Variants in FGFR4 observed in about 807,000 individuals in gnomAD.
FGFR4 encodes fibroblast growth factor receptor 4.
FGFR4 carries 63 observed loss-of-function variants against 89.9 expected under a neutral mutation model. That is an observed-to-expected ratio of 0.70 (90% confidence interval 0.57 to 0.86). FGFR4 has a LOEUF of 0.86. Among genes scored for constraint, FGFR4 ranks in the 40% least tolerant of loss-of-function variants. The probability of loss-of-function intolerance (pLI) is 0.00; values close to 1 mark genes in which losing one functional copy is unlikely to be tolerated. For missense variants in FGFR4, 928 were observed against 1,106.7 expected, an observed-to-expected ratio of 0.84 and a Z score of 2.29; for synonymous variants, 486 against 479.4, an observed-to-expected ratio of 1.01 and a Z score of -0.18.
At position 177,090,754 on chromosome 5, in the gene FGFR4, C is replaced by A; in HGVS notation, c.365C>A (p.Thr122Asn). Reference sequence around the variant, plus strand: ...TCTGTCCCTGATGTAGACTCCTTGACCTCCAGCAACGATGATGAGGACCCC... The same window carrying A: ...TCTGTCCCTGATGTAGACTCCTTGAACTCCAGCAACGATGATGAGGACCCC... Reference protein sequence around the residue: ...NLTLITGDSLTSSNDDEDPKS... With the variant: ...NLTLITGDSLNSSNDDEDPKS... The change falls in exon 4 of 18, where the codon ACC becomes AAC. Residue 122 changes from threonine (T) to asparagine (N), a missense_variant. This residue lies in a region of FGFR4 where 741 missense variants were observed against 836.9 expected (regional missense o/e 0.89). Transcript: ENST00000292408. 1 of 1,606,738 alleles carries A rather than the reference C, an allele frequency of 6.2e-7. No individual in the cohort carries two copies. The highest frequency in any genetic ancestry group is 8.5e-7 in the Non-Finnish European group (1 of 1,175,200).
In FGFR4 at chr5:177,093,311, C is replaced by T. The variant is rs367788201; in HGVS notation, c.1231C>T (p.Arg411Cys). 184 of 1,613,732 alleles carry T rather than the reference C, an allele frequency of 1.1e-4. No individual in the cohort carries two copies. Among genetic ancestry groups the T allele is most frequent in the Non-Finnish European group, 1.5e-4 (176 of 1,179,792 alleles). ...RPPATVQKLSRFPLARQFSLE... is the reference protein window; with the variant it reads ...RPPATVQKLSCFPLARQFSLE... ...GCCCGCCACTGTGCAGAAGCTCTCC[C>T]GCTTCCCTCTGGCCCGACAGGTACT... Residue 411 changes from arginine to cysteine, a missense_variant, in exon 9 of 18, where the codon CGC (arginine) becomes TGC (cysteine). Physicochemically the swap from Arg to Cys is radical, Grantham distance 180. Around this residue, in one of 5 missense-constraint regions of FGFR4, gnomAD observed 741 missense variants for 836.9 expected, o/e 0.89. Coordinates refer to ENST00000292408, the MANE Select transcript of FGFR4 (RefSeq NM_213647.3). The surrounding 1 kb of genome is among the most constrained non-coding windows in gnomAD (Gnocchi z 5.8).
At chr5:177,096,959 C>CTCT (rs1562077845) in intron 16 of FGFR4, among the ~76,000 whole-genome samples, 3 of 78,210 alleles carry the variant, frequency 3.8e-5, no homozygotes, top group Non-Finnish European at 7.8e-5. Context: ...CCTCCTTCTC[C>CTCT]TCCTGCTCCT....
At position 177,097,564 on chromosome 5, in the gene FGFR4, C is replaced by T; in HGVS notation, c.2297C>T (p.Pro766Leu). 1 of 1,614,116 alleles carries T rather than the reference C, an allele frequency of 6.2e-7. No homozygotes were observed. The highest frequency in any genetic ancestry group is 1.1e-5 in the South Asian group (1 of 91,088). Residue 766 changes from proline (P) to leucine (L), a missense_variant, in exon 18 of 18, where the codon CCC (proline) becomes CTC (leucine). Transcript: ENST00000292408. ...DLRLTFGPYS[P>L]SGGDASSTCS... is the part of the protein sequence containing the mutation. ...CGCCTGACCTTCGGACCCTATTCCC[C>T]CTCTGGTGGGGACGCCAGCAGCACC...
intron 15 of FGFR4, 43 bp from the exon 16 acceptor site, chr5:177,096,561 C>A (rs31777): frequency 0.8 from 1,288,189 of 1,606,570 alleles, 519,089 homozygotes; most frequent in East Asian, 1. Flanking sequence ...CCCCGGTCGT[C>A]GGGAGGGCGC....
At position 177,097,562 on chromosome 5, in the gene FGFR4, C is replaced by T; in HGVS notation, c.2295C>T (p.Ser765=). The T allele has an allele frequency of 6.2e-7, 1 of 1,614,058 alleles. No individual in the cohort carries two copies. The highest frequency in any genetic ancestry group is 8.5e-7 in the Non-Finnish European group (1 of 1,179,984). Reference sequence around the variant, plus strand: ...TCCGCCTGACCTTCGGACCCTATTCCCCCTCTGGTGGGGACGCCAGCAGCA... The same window carrying T: ...TCCGCCTGACCTTCGGACCCTATTCTCCCTCTGGTGGGGACGCCAGCAGCA... ...LDLRLTFGPY[S]PSGGDASSTC... is the part of the protein sequence containing the mutation. Residue 765 remains serine (S), a synonymous_variant, in exon 18 of 18, where the codon TCC becomes TCT. Coordinates refer to ENST00000292408, the MANE Select transcript of FGFR4 (RefSeq NM_213647.3).
At chr5:177,092,100 A>G (rs897202646) in intron 6 of FGFR4, among the ~76,000 whole-genome samples, 2 of 152,208 alleles carry the variant, frequency 1.3e-5, no homozygotes, top group Non-Finnish European at 2.9e-5. Context: ...TGGCGTTTAT[A>G]TGGGGAGCCA....
At position 177,091,705 on chromosome 5, in the gene FGFR4, T is replaced by A. The variant is rs759044201; in HGVS notation, c.624T>A (p.Ser208Arg). 1.2e-6 allele frequency: 2 copies of A among 1,613,936 alleles called. No individual in the cohort carries two copies. Among genetic ancestry groups the A allele is most frequent in the Non-Finnish European group, 1.7e-6 (2 of 1,179,990 alleles). Residue 208 changes from serine to arginine, a missense_variant, in exon 6 of 18, where the codon AGT becomes AGA. Around this residue, in one of 5 missense-constraint regions of FGFR4, gnomAD observed 741 missense variants for 836.9 expected, o/e 0.89. Coordinates refer to ENST00000292408, the MANE Select transcript of FGFR4 (RefSeq NM_213647.3). Reference protein sequence around the residue: ...GGIRLRHQHWSLVMESVVPSD... With the variant: ...GGIRLRHQHWRLVMESVVPSD... ...TGCAGCTGCGCCATCAGCACTGGAGTCTCGTGATGGAGAGCGTGGTGCCCT... is the reference window on the plus strand; with the variant it reads ...TGCAGCTGCGCCATCAGCACTGGAGACTCGTGATGGAGAGCGTGGTGCCCT...
Position 177,092,469 on chromosome 5 carries a change from C to T in FGFR4, c.876C>T (p.Ser292=), listed in dbSNP as rs755586656. The T allele has an allele frequency of 2.1e-5, 33 of 1,598,108 alleles. No individual in the cohort carries two copies. The East Asian group carries it at 7.5e-4, about 36-fold the overall frequency. The change falls in exon 7 of 18, where the codon AGC becomes AGT. Residue 292 remains serine (S), a synonymous_variant. Coordinates refer to ENST00000292408, the MANE Select transcript of FGFR4 (RefSeq NM_213647.3). ...QWLKHIVING[S]SFGADGFPYV... is the part of the protein sequence containing the mutation. ...TGAAGCACATCGTCATCAACGGCAG[C>T]AGCTTCGGAGCCGACGGTTTCCCCT...
chr5:177,096,517 T>A lies in FGFR4; in HGVS notation c.2016-87T>A, dbSNP rs1326029075. ...GGAGGAGCCCATTCCCCAACAGCTG[T>A]GGTGGGTCATGTCTGTGGGGTCCCC... On this transcript the variant is annotated intron_variant, in intron 15 of 17. Transcript: ENST00000292408. 8.4e-6 allele frequency: 13 copies of A among 1,549,162 alleles called. No individual in the cohort carries two copies. In the African/African-American group the frequency reaches 1.6e-4, roughly 19 times the overall value.
chr5:177,088,034 TTTTTA>T (rs943270049), intron 1 of FGFR4, among the ~76,000 whole-genome samples: 2 of 152,088 alleles, frequency 1.3e-5, no homozygotes, highest in African/African-American at 2.4e-5. Context: ...TTTGTTTGTT[TTTTTA>T]TTTTATTTTA....
rs1246123519 is a variant in FGFR4, at chr5:177,096,439, C to T, written c.2015+82C>T. ...AAGTCACGTGGCCCCAGGAGTCATG[C>T]GCTCGAGGGCTCCTTCAGATTTGGT... On this transcript the variant is annotated intron_variant, in intron 15 of 17. Coordinates refer to ENST00000292408, the MANE Select transcript of FGFR4 (RefSeq NM_213647.3). The T allele has an allele frequency of 5.1e-6, 8 of 1,557,560 alleles. No individual in the cohort carries two copies. In the African/African-American group the frequency reaches 8.2e-5, roughly 16 times the overall value.
Position 177,097,799 on chromosome 5 carries a change from G to A in FGFR4, c.*123G>A. 1 of 1,274,862 alleles carries A rather than the reference G, an allele frequency of 7.8e-7. No individual in the cohort carries two copies. Among genetic ancestry groups the A allele is most frequent in the Non-Finnish European group, 1.1e-6 (1 of 941,982 alleles). 79.0% of individuals were successfully genotyped at this position (1,274,862 alleles called of 1,614,324 possible). Reference sequence around the variant, plus strand: ...CCCTGGCCCAGAGTTGCTGTGCCGTGTCCAAGGGCCGTGCCCTTGCCCTTG... The same window carrying A: ...CCCTGGCCCAGAGTTGCTGTGCCGTATCCAAGGGCCGTGCCCTTGCCCTTG... On this transcript the variant is annotated 3_prime_UTR_variant, in exon 18 of 18. Transcript: ENST00000292408.
In FGFR4 at chr5:177,097,552, G is replaced by A. The variant is rs756214271; in HGVS notation, c.2285G>A (p.Gly762Glu). ...EEYLDLRLTF[G>E]PYSPSGGDAS... ...TACCTCGACCTCCGCCTGACCTTCG[G>A]ACCCTATTCCCCCTCTGGTGGGGAC... The change falls in exon 18 of 18, where the codon GGA (glycine) becomes GAA (glutamate). Residue 762 changes from glycine to glutamate, a missense_variant. Around this residue, in one of 5 missense-constraint regions of FGFR4, gnomAD observed 129 missense variants for 150.8 expected, o/e 0.86. Transcript: ENST00000292408. 2 of 1,613,988 alleles carry A rather than the reference G, an allele frequency of 1.2e-6. No homozygotes were observed. The highest frequency in any genetic ancestry group is 1.7e-6 in the Non-Finnish European group (2 of 1,179,982).
At chr5:177,089,908 C>A in intron 2 of FGFR4, 1 of 740,520 alleles carries the variant, frequency 1.4e-6, no homozygotes, top group Non-Finnish European at 2.4e-6. Context: ...CCTTGCAGGG[C>A]GCAGGGCCCT....
rs1245944566 is a variant in FGFR4, at chr5:177,093,087, T to C, written c.1058-51T>C. On this transcript the variant is annotated intron_variant, in intron 8 of 17. Transcript: ENST00000292408. The surrounding 1 kb of genome is among the most constrained non-coding windows in gnomAD (Gnocchi z 5.8). ...GAGTTAGGGTGCACGGGGCGGCCAGTCTCACCACTGACCAGTTTGTCTGTC... is the reference window on the plus strand; with the variant it reads ...GAGTTAGGGTGCACGGGGCGGCCAGCCTCACCACTGACCAGTTTGTCTGTC... 6.2e-7 allele frequency: 1 copy of C among 1,610,742 alleles called. No individual in the cohort carries two copies. Among genetic ancestry groups the C allele is most frequent in the Non-Finnish European group, 8.5e-7 (1 of 1,177,346 alleles).
chr5:177,095,337 C>T lies in FGFR4; in HGVS notation c.1527C>T (p.Ala509=), dbSNP rs1410551889. The T allele has an allele frequency of 6.2e-7, 1 of 1,614,156 alleles. No individual in the cohort carries two copies. The change falls in exon 12 of 18, where the codon GCC becomes GCT. Residue 509 remains alanine (A), a synonymous_variant. Transcript: ENST00000292408. The surrounding 1 kb of genome is among the most constrained non-coding windows in gnomAD (Gnocchi z 5.7). ...CGTCTGCTGCCCTTACAGACAACGC[C>T]TCTGACAAGGACCTGGCCGACCTGG... ...TVAVKMLKDN[A]SDKDLADLVS...
chr5:177,088,391 T>A (rs552028667), intron 1 of FGFR4: 42 of 194,878 alleles, frequency 2.2e-4, no homozygotes, highest in Admixed American at 1.9e-3. Context: ...AGATGAAGGT[T>A]GAAGAGCCGA....
intron 2 of FGFR4, 99 bp downstream of exon 2, chr5:177,089,792 G>C (rs1321362224): frequency 1.3e-5 from 19 of 1,491,678 alleles, no homozygotes; most frequent in Non-Finnish European, 1.7e-5. Flanking sequence ...TCCTTGCCCA[G>C]GCCCTGAGAA....
Position 177,093,319 on chromosome 5 carries a change from T to A in FGFR4, c.1239T>A (p.Pro413=). The A allele has an allele frequency of 1.6e-6, 2 of 1,282,506 alleles. No homozygotes were observed. The highest frequency in any genetic ancestry group is 2.1e-6 in the Non-Finnish European group (2 of 946,886). 79.4% of individuals were successfully genotyped at this position (1,282,506 alleles called of 1,614,324 possible). Residue 413 remains proline, a synonymous_variant, in exon 9 of 18, where the codon CCT becomes CCA. Transcript: ENST00000292408. This position sits in a 1 kb window ranked among gnomAD's most constrained non-coding sequence, Gnocchi z 5.8. ...CTGTGCAGAAGCTCTCCCGCTTCCC[T>A]CTGGCCCGACAGGTACTGGGCGCAT... ...PATVQKLSRF[P]LARQFSLESG...
Sources: gnomAD v4.1 joint callset for allele counts (sites outside exome capture counted in the v4.1 genomes callset) on GRCh38, gnomAD v4.1.1 for gene constraint, gnomAD v4.1.1 regional missense constraint, Gnocchi (gnomAD v3.1) non-coding constraint, MANE v1.5 for transcripts, NCBI Gene and HGNC (gene_info 2026-07-23, HGNC 2026-07-21) for gene names.